HTT: variants seen among roughly 807,000 people sequenced by gnomAD.
HTT encodes huntingtin.
HTT carries 104 observed loss-of-function variants against 362.3 expected under a neutral mutation model. The observed-to-expected ratio is 0.29, with a 90% CI of 0.24 to 0.34. HTT has a LOEUF of 0.34. HTT is among the 10% of genes least tolerant of loss of function. The probability of loss-of-function intolerance (pLI) is 1.00; values close to 1 mark genes in which losing one functional copy is unlikely to be tolerated. For synonymous variants in HTT, 1,577 were observed against 1,548.7 expected, an observed-to-expected ratio of 1.02 and a Z score of -0.43; for missense variants, 3,301 against 3,928.6, an observed-to-expected ratio of 0.84 and a Z score of 4.27.
Position 3,220,219 on chromosome 4 carries a change from A to T in HTT, c.7280A>T (p.Asp2427Val). ...KLGWSPKPGG[D>V]FGTAFPEIPV... is the part of the protein sequence containing the mutation. ...GGATGGTCACCCAAACCGGGAGGGG[A>T]TTTTGGCACAGCATTCCCTGAGATC... Residue 2427 changes from aspartate (D) to valine (V), a missense_variant, in exon 53 of 67, where the codon GAT (aspartate) becomes GTT (valine). Coordinates refer to ENST00000355072, the MANE Select transcript of HTT (RefSeq NM_001388492.1). 1.2e-6 allele frequency: 2 copies of T among 1,613,930 alleles called. No individual in the cohort carries two copies. The highest frequency in any genetic ancestry group is 1.7e-6 in the Non-Finnish European group (2 of 1,179,968).
chr4:3,157,990 TTG>T (rs1255721398), intron 28 of HTT, among the ~76,000 whole-genome samples: 2 of 143,144 alleles, frequency 1.4e-5, no homozygotes, highest in East Asian at 1.9e-4. Context: ...AGAAGCATCC[TTG>T]TTTTTTTTTT....
chr4:3,207,227 G>A, intron 44 of HTT, 54 bp from the exon 45 acceptor site: 1 of 1,465,362 alleles, frequency 6.8e-7, no homozygotes. Flanking sequence ...TGAGCATGAG[G>A]TTATTTTGGG....
At chr4:3,185,758 CA>C (rs1484437021) in intron 37 of HTT, among the ~76,000 whole-genome samples, 2 of 152,106 alleles carry the variant, frequency 1.3e-5, no homozygotes, top group Non-Finnish European at 2.9e-5. Flanking sequence ...ACTAGAAATA[CA>C]AAAAGTAGCT....
rs2071663 is a variant in HTT at position 3,219,923 on chromosome 4, C to T, written c.7243-259C>T. On this transcript the variant is annotated intron_variant, in intron 52 of 66. Coordinates refer to ENST00000355072, the MANE Select transcript of HTT (RefSeq NM_001388492.1). ...CTCCTGCCTGCTTCTCCCAGCACTC[C>T]CTGAGTGGGGTGTGCCAGCAGCCTC... Among the ~76,000 whole-genome samples, 960 of 152,130 alleles carry T rather than the reference C, an allele frequency of 6.3e-3. 4 individuals are homozygous for T. Among genetic ancestry groups the T allele is most frequent in the East Asian group, 0.018 (95 of 5,184 alleles).
intron 46 of HTT, 91 bp from the exon 47 acceptor site, chr4:3,209,736 C>T (rs1471400779): frequency 6.6e-7 from 1 of 1,514,610 alleles, no homozygotes; most frequent in African/African-American, 1.4e-5. Context: ...GCGGTGTTCC[C>T]AAGCACTGGC....
chr4:3,108,591 T>C lies in HTT; in HGVS notation c.747+1168T>C, dbSNP rs956390417. Among the ~76,000 whole-genome samples the C allele has an allele frequency of 3.3e-5, 5 of 152,336 alleles. No homozygotes were observed. In the South Asian group the frequency reaches 6.2e-4, roughly 19 times the overall value. ...GCTCAGATGATAGATGGTATTTTTG[T>C]ACTCTTAGTTCTCATCATTTTCATG... is the stretch of plus-strand genomic sequence containing the variant. On this transcript the variant is annotated intron_variant, in intron 6 of 66. Coordinates refer to ENST00000355072, the MANE Select transcript of HTT (RefSeq NM_001388492.1).
rs565721842 is a variant in HTT at position 3,234,502 on chromosome 4, A to G, written c.8457-782A>G. Among the ~76,000 whole-genome samples, 35 of 152,334 alleles carry G rather than the reference A, an allele frequency of 2.3e-4. No individual in the cohort carries two copies. The East Asian group carries it at 6.8e-3, about 29-fold the overall frequency. On this transcript the variant is annotated intron_variant, in intron 61 of 66. Transcript: ENST00000355072. ...TGATTTTGGGGGGCAGCCCCAGAACAGGCCCCAGACACAGGCCAAAGCCCT... is the reference window on the plus strand; with the variant it reads ...TGATTTTGGGGGGCAGCCCCAGAACGGGCCCCAGACACAGGCCAAAGCCCT...
chr4:3,191,319 A>G (rs1383946738), intron 40 of HTT, among the ~76,000 whole-genome samples: 2 of 151,978 alleles, frequency 1.3e-5, no homozygotes, highest in East Asian at 3.9e-4. Context: ...GATTACGGGC[A>G]TGCACCACCA....
At chr4:3,200,776 C>T (rs955302160) in intron 41 of HTT, among the ~76,000 whole-genome samples, 1 of 152,214 alleles carries the variant, frequency 6.6e-6, no homozygotes, top group Non-Finnish European at 1.5e-5. Context: ...TCTGGTCATT[C>T]TGTTGGAGGA....
intron 54 of HTT, 37 bp downstream of exon 54, chr4:3,222,524 G>A (rs1381574145): frequency 1.3e-6 from 2 of 1,498,424 alleles, no homozygotes; most frequent in East Asian, 2.3e-5. Flanking sequence ...CACATGGGCA[G>A]TTATGGCCGC....
rs1578510106 is a variant in HTT at position 3,114,923 on chromosome 4, C to T, written c.748-381C>T. On this transcript the variant is annotated intron_variant, in intron 6 of 66. Transcript: ENST00000355072. ...CATTAGCAGGACTTCTACAAGCCAT[C>T]TCTTAGGGTGGGGCATTTACTGCAG... 3.9e-5 allele frequency among the ~76,000 whole-genome samples: 6 copies of T among 152,304 alleles called. No homozygotes were observed. The South Asian group carries it at 1.2e-3, about 32-fold the overall frequency.
Position 3,115,349 on chromosome 4 carries a change from A to G in HTT, c.793A>G (p.Thr265Ala). The G allele has an allele frequency of 6.2e-7, 1 of 1,614,086 alleles. No individual in the cohort carries two copies. Among genetic ancestry groups the G allele is most frequent in the Non-Finnish European group, 8.5e-7 (1 of 1,179,986 alleles). ...FIANLKSSSP[T>A]IRRTAAGSAV... ...AGCGAACCTGAAGTCAAGCTCCCCC[A>G]CCATTCGGCGGACAGCGGCTGGATC... is the stretch of plus-strand genomic sequence containing the variant. Residue 265 changes from threonine (T) to alanine (A), a missense_variant, in exon 7 of 67, where the codon ACC becomes GCC. Around this residue, in one of 4 missense-constraint regions of HTT, gnomAD observed 2,316 missense variants for 2,658.5 expected, o/e 0.87. Coordinates refer to ENST00000355072, the MANE Select transcript of HTT (RefSeq NM_001388492.1).
At chr4:3,170,730 G>A (rs1299042243) in intron 29 of HTT, among the ~76,000 whole-genome samples, 1 of 152,176 alleles carries the variant, frequency 6.6e-6, no homozygotes, top group Non-Finnish European at 1.5e-5. Flanking sequence ...GGCAGCCATA[G>A]GGCTGACTTA....
At chr4:3,198,487 A>G (rs1357821785) in intron 40 of HTT, among the ~76,000 whole-genome samples, 1 of 152,088 alleles carries the variant, frequency 6.6e-6, no homozygotes, top group Non-Finnish European at 1.5e-5. Context: ...GGCCTCCCAA[A>G]GTGCTGTGAT....
At chr4:3,164,325 T>G (rs1251537527) in intron 29 of HTT, among the ~76,000 whole-genome samples, 7 of 152,228 alleles carry the variant, frequency 4.6e-5, no homozygotes, top group Admixed American at 3.3e-4. Context: ...TTACATTTGC[T>G]GAGGAGTGTT....
At chr4:3,090,161 A>G (rs1034779890) in intron 2 of HTT, among the ~76,000 whole-genome samples, 1 of 152,136 alleles carries the variant, frequency 6.6e-6, no homozygotes, top group African/African-American at 2.4e-5. Context: ...GTCTCTAATG[A>G]GGTTATATAA....
At chr4:3,237,567 C>T (rs576276721) in intron 64 of HTT, among the ~76,000 whole-genome samples, 8 of 151,956 alleles carry the variant, frequency 5.3e-5, no homozygotes, top group African/African-American at 1.2e-4. Flanking sequence ...TCCGCTTGAC[C>T]GCTCTCCAGA....
rs532184766 is a variant in HTT, at chr4:3,238,384, C to T, written c.8892-63C>T. 1,030 of 1,323,790 alleles carry T rather than the reference C, an allele frequency of 7.8e-4. 5 individuals carry two copies. The highest frequency in any genetic ancestry group is 3.3e-3 in the South Asian group (236 of 71,544). 82.0% of individuals were successfully genotyped at this position (1,323,790 alleles called of 1,614,324 possible). A position where few individuals can be genotyped will look rare whatever the true frequency, so the allele number is the denominator to read the frequency against. On this transcript the variant is annotated intron_variant, in intron 64 of 66. Coordinates refer to ENST00000355072, the MANE Select transcript of HTT (RefSeq NM_001388492.1). ...CCCCAGTATTAGAGCCAAGGCCCTC[C>T]GCGGGCAGGTGGGGCAGCTGTGGGA...
At chr4:3,187,622 C>G in intron 38 of HTT, 29 bp from the exon 39 acceptor site, 1 of 1,508,080 alleles carries the variant, frequency 6.6e-7, no homozygotes. Context: ...TTTTCTTCAG[C>G]TGTGACTTAT....
Sources: allele counts gnomAD v4.1 joint callset (sites outside exome capture counted in the v4.1 genomes callset), GRCh38; gene constraint gnomAD v4.1.1; regional missense constraint gnomAD v4.1.1; transcripts MANE v1.5; gene names NCBI Gene and HGNC (gene_info 2026-07-23, HGNC 2026-07-21).